Variants in XPR1 observed in about 807,000 individuals in gnomAD.
XPR1 encodes solute carrier family 53 member 1.
In XPR1, 28 loss-of-function variants were observed where a neutral mutation model predicts 87.5. The ratio of observed to expected loss-of-function variants is 0.32; its 90% confidence interval spans 0.24 to 0.44. XPR1 has a LOEUF of 0.44. Among genes scored for constraint, XPR1 ranks in the 20% least tolerant of loss-of-function variants. XPR1 has a pLI of 1.00. For missense variants in XPR1, 559 were observed against 862.3 expected, an observed-to-expected ratio of 0.65 and a Z score of 4.41; for synonymous variants, 300 against 306.1, an observed-to-expected ratio of 0.98 and a Z score of 0.21.
chr1:180,765,425 A>G (rs1454953891), intron 2 of XPR1, among the ~76,000 whole-genome samples: 2 of 152,200 alleles, frequency 1.3e-5, no homozygotes, highest in Non-Finnish European at 2.9e-5. Flanking sequence ...ATTTGTTTAT[A>G]TCTCTTCTCT....
At chr1:180,761,447 A>G (rs560113529) in intron 2 of XPR1, among the ~76,000 whole-genome samples, 2 of 152,334 alleles carry the variant, frequency 1.3e-5, no homozygotes, top group East Asian at 1.9e-4. Flanking sequence ...AACCCCATCA[A>G]AAAGTGGGCG....
intron 2 of XPR1, among the ~76,000 whole-genome samples, chr1:180,720,311 T>C (rs1658138907): frequency 6.6e-6 from 1 of 152,216 alleles, no homozygotes; most frequent in Non-Finnish European, 1.5e-5. Flanking sequence ...GGGTAGAATT[T>C]CTAGACTTTC....
chr1:180,724,976 C>T (rs958384355), intron 2 of XPR1, among the ~76,000 whole-genome samples: 2 of 152,166 alleles, frequency 1.3e-5, no homozygotes, highest in African/African-American at 4.8e-5. Context: ...CATACCATAG[C>T]ATAGAATGAA....
chr1:180,835,104 G>A, intron 10 of XPR1, 59 bp downstream of exon 10: 4 of 1,531,162 alleles, frequency 2.6e-6, no homozygotes, highest in South Asian at 1.3e-5. Context: ...AGATATATTG[G>A]GAAGGATAAA....
intron 7 of XPR1, among the ~76,000 whole-genome samples, chr1:180,818,203 C>G (rs1358417478): frequency 6.6e-6 from 1 of 152,002 alleles, no homozygotes; most frequent in Non-Finnish European, 1.5e-5. Context: ...ATTTGTGGTT[C>G]TTTTCCTATA....
At chr1:180,839,880 A>T (rs1402468325) in intron 11 of XPR1, among the ~76,000 whole-genome samples, 4 of 152,238 alleles carry the variant, frequency 2.6e-5, no homozygotes, top group East Asian at 1.9e-4. Flanking sequence ...TTTGTTATGC[A>T]TACCAAAGTT....
intron 1 of XPR1, among the ~76,000 whole-genome samples, chr1:180,672,230 A>G (rs904175440): frequency 1.8e-4 from 28 of 152,208 alleles, no homozygotes; most frequent in African/African-American, 6.8e-4. Context: ...TCAGTACAAT[A>G]AAACTTTAGT....
At chr1:180,774,920 C>G (rs763251543) in intron 2 of XPR1, among the ~76,000 whole-genome samples, 2 of 152,196 alleles carry the variant, frequency 1.3e-5, no homozygotes, top group Non-Finnish European at 2.9e-5. Context: ...AAAGGCTTGC[C>G]TTCTGCTTCC....
intron 2 of XPR1, among the ~76,000 whole-genome samples, chr1:180,786,612 G>A (rs1416098575): frequency 6.6e-6 from 1 of 152,132 alleles, no homozygotes; most frequent in Non-Finnish European, 1.5e-5. Context: ...AGGTTGATAG[G>A]CTATGTGACA....
chr1:180,840,167 G>A (rs2102175257), intron 11 of XPR1, among the ~76,000 whole-genome samples: 1 of 145,434 alleles, frequency 6.9e-6, no homozygotes, highest in East Asian at 2.1e-4. Context: ...AGCTTGCAGT[G>A]AGCCGAGATT....
chr1:180,752,300 C>CT (rs1056486035), intron 2 of XPR1, among the ~76,000 whole-genome samples: 1 of 151,884 alleles, frequency 6.6e-6, no homozygotes, highest in Admixed American at 6.6e-5. Context: ...TTATTCTTTT[C>CT]TTTTTTTGAT....
At chr1:180,686,447 A>G (rs1656780059) in intron 2 of XPR1, among the ~76,000 whole-genome samples, 2 of 152,162 alleles carry the variant, frequency 1.3e-5, no homozygotes. Context: ...GTGGTGCTGA[A>G]AAGAATGTAT....
At chr1:180,659,377 T>TTCCGTCCG (rs1325922061) in intron 1 of XPR1, among the ~76,000 whole-genome samples, 1 of 92,158 alleles carries the variant, frequency 1.1e-5, no homozygotes, top group African/African-American at 4.6e-5. Context: ...CCGTCCGTCC[T>TTCCGTCCG]TCCGTCCTTC....
chr1:180,866,799 T>G (rs968706182), intron 12 of XPR1, among the ~76,000 whole-genome samples: 9 of 125,262 alleles, frequency 7.2e-5, no homozygotes, highest in African/African-American at 2.7e-4. Flanking sequence ...ATTAGTTTAT[T>G]TTTTTTTTTT....
At chr1:180,717,174 G>C (rs1407350002) in intron 2 of XPR1, among the ~76,000 whole-genome samples, 2 of 152,094 alleles carry the variant, frequency 1.3e-5, no homozygotes, top group Non-Finnish European at 2.9e-5. Context: ...TGTATTTTTA[G>C]TAGAGAAGGT....
intron 7 of XPR1, among the ~76,000 whole-genome samples, chr1:180,812,468 C>T (rs1460392307): frequency 6.6e-6 from 1 of 152,130 alleles, no homozygotes; most frequent in Non-Finnish European, 1.5e-5. Context: ...CCCAAATATG[C>T]TCTTCTATCT....
At chr1:180,854,048 G>A (rs1000259657) in intron 11 of XPR1, among the ~76,000 whole-genome samples, 10 of 152,252 alleles carry the variant, frequency 6.6e-5, no homozygotes, top group African/African-American at 9.6e-5. Flanking sequence ...GAACAATGCC[G>A]TTAAAGGTTG....
intron 1 of XPR1, among the ~76,000 whole-genome samples, chr1:180,681,901 A>T (rs1656590045): frequency 6.6e-6 from 1 of 152,222 alleles, no homozygotes; most frequent in Non-Finnish European, 1.5e-5. Context: ...ATGTGAATGT[A>T]CTTAACACTA....
chr1:180,752,939 TAGAAGTATTGTGCATTAC>T (rs1358811161), intron 2 of XPR1, among the ~76,000 whole-genome samples: 2 of 152,216 alleles, frequency 1.3e-5, no homozygotes, highest in Non-Finnish European at 2.9e-5. Flanking sequence ...TAGAAGTTGA[TAGAAGTATTGTGCATTAC>T]AGAAGTACCA....
Sources: allele counts gnomAD v4.1 joint callset (sites outside exome capture counted in the v4.1 genomes callset), GRCh38; gene constraint gnomAD v4.1.1; transcripts MANE v1.5; gene names NCBI Gene and HGNC (gene_info 2026-07-23, HGNC 2026-07-21).